The following SLC25A12 variants were observed in gnomAD, a reference collection of about 807,000 sequenced individuals.
SLC25A12 encodes electrogenic aspartate/glutamate antiporter SLC25A12, mitochondrial.
A neutral mutation model predicts 83.3 loss-of-function variants in SLC25A12; 32 were observed. The ratio of observed to expected loss-of-function variants is 0.38; its 90% confidence interval spans 0.29 to 0.52. The LOEUF (loss-of-function observed/expected upper bound fraction) is 0.52, where lower values mean the gene tolerates loss of function less well. Ranked by LOEUF, SLC25A12 falls within the 20% of genes least tolerant of loss-of-function variation. SLC25A12 has a pLI of 0.84. For synonymous variants in SLC25A12, 267 were observed against 291.1 expected, an observed-to-expected ratio of 0.92 and a Z score of 0.84; for missense variants, 611 against 835.6, an observed-to-expected ratio of 0.73 and a Z score of 3.31.
intron 14 of SLC25A12, among the ~76,000 whole-genome samples, chr2:171,793,193 T>G (rs993878879): frequency 1.3e-4 from 20 of 151,972 alleles, no homozygotes; most frequent in African/African-American, 4.8e-4. Context: ...ACCTGAATCC[T>G]ACCAAACTCT....
chr2:171,847,173 T>C (rs1230835439), intron 4 of SLC25A12, among the ~76,000 whole-genome samples: 1 of 152,206 alleles, frequency 6.6e-6, no homozygotes, highest in East Asian at 1.9e-4. Context: ...ACTACTATAA[T>C]TACTAGAACT....
intron 5 of SLC25A12, among the ~76,000 whole-genome samples, chr2:171,839,612 G>GAACAA (rs953485415): frequency 4.0e-5 from 6 of 151,890 alleles, no homozygotes; most frequent in African/African-American, 9.7e-5. Flanking sequence ...AACAATAAAA[G>GAACAA]AACAAAACAA....
chr2:171,874,653 T>C (rs1685527032), intron 2 of SLC25A12, among the ~76,000 whole-genome samples: 1 of 152,084 alleles, frequency 6.6e-6, no homozygotes, highest in Non-Finnish European at 1.5e-5. Context: ...AAACACACAA[T>C]ACAAGCGTTC....
At position 171,837,650 on chromosome 2, in the gene SLC25A12, G is replaced by A. The variant is rs184301352; in HGVS notation, c.466-383C>T. 9.6e-4 allele frequency among the ~76,000 whole-genome samples: 146 copies of A among 152,256 alleles called. 2 individuals carry two copies. The highest frequency in any genetic ancestry group is 1.4e-3 in the Admixed American group (21 of 15,294). ...GCTTGAAGGCTTACCTGTCATCAAA[G>A]AGTACTTCATGAATTAAGAGTTTAG... On this transcript the variant is annotated intron_variant, in intron 5 of 17. Coordinates refer to ENST00000422440, the MANE Select transcript of SLC25A12 (RefSeq NM_003705.5).
At chr2:171,819,002 G>A (rs1336528120) in intron 9 of SLC25A12, among the ~76,000 whole-genome samples, 2 of 150,432 alleles carry the variant, frequency 1.3e-5, no homozygotes, top group African/African-American at 4.9e-5. Context: ...GACTTCAATA[G>A]TCTGGGATTT....
chr2:171,859,514 G>A (rs948053274), intron 3 of SLC25A12, among the ~76,000 whole-genome samples: 3 of 152,094 alleles, frequency 2.0e-5, no homozygotes, highest in Admixed American at 6.6e-5. Flanking sequence ...CCTTAAAAAG[G>A]AATGAAATTC....
In SLC25A12 at chr2:171,812,741, A is replaced by G. The variant is rs187760938; in HGVS notation, c.1171+598T>C. Among the ~76,000 whole-genome samples the G allele has an allele frequency of 2.5e-3, 371 of 150,438 alleles. 6 individuals are homozygous for G. The highest frequency in any genetic ancestry group is 6.9e-3 in the Middle Eastern group (2 of 288). ...GAAAATCTCTCTGTTTTGACTGTACACCTCTGAGCTAAGTGGGGGAAAGAA... is the reference window on the plus strand; with the variant it reads ...GAAAATCTCTCTGTTTTGACTGTACGCCTCTGAGCTAAGTGGGGGAAAGAA... On this transcript the variant is annotated intron_variant, in intron 11 of 17. Coordinates refer to ENST00000422440, the MANE Select transcript of SLC25A12 (RefSeq NM_003705.5).
chr2:171,805,330 C>T (rs1683803250), intron 13 of SLC25A12, among the ~76,000 whole-genome samples: 1 of 152,054 alleles, frequency 6.6e-6, no homozygotes, highest in African/African-American at 2.4e-5. Flanking sequence ...AGGCTGGTCT[C>T]GAACTCCTGA....
chr2:171,861,289 T>C (rs1419812987), intron 3 of SLC25A12, among the ~76,000 whole-genome samples: 4 of 152,116 alleles, frequency 2.6e-5, no homozygotes, highest in African/African-American at 4.8e-5. Context: ...TCTGATACTC[T>C]CCTCTATTTT....
At chr2:171,836,527 G>A (rs534133140) in intron 6 of SLC25A12, among the ~76,000 whole-genome samples, 1 of 152,272 alleles carries the variant, frequency 6.6e-6, no homozygotes, top group South Asian at 2.1e-4. Flanking sequence ...CAGGTGAAGG[G>A]GCAGAGAGAG....
At chr2:171,855,673 T>C (rs987157721) in intron 4 of SLC25A12, 161 bp downstream of exon 4, 3 of 651,556 alleles carry the variant, frequency 4.6e-6, no homozygotes, top group Non-Finnish European at 8.3e-6. Flanking sequence ...TTTAATGCTT[T>C]GAAAAAATAA....
Position 171,792,633 on chromosome 2 carries a change from GA to G in SLC25A12, c.1446+993del, listed in dbSNP as rs1238563565. Among the ~76,000 whole-genome samples, 709 of 136,964 alleles carry G rather than the reference GA, an allele frequency of 5.2e-3. 5 individuals carry two copies. The highest frequency in any genetic ancestry group is 8.4e-3 in the Non-Finnish European group (529 of 62,746). 89.9% of individuals were successfully genotyped at this position (136,964 alleles called of 152,430 possible). Reference sequence around the variant, plus strand: ...TTAAAAAAAGACAAACTCAAACATTGAAAAAAAAAAAATCCAAGGACTCGCT... The same window carrying G: ...TTAAAAAAAGACAAACTCAAACATTGAAAAAAAAAAATCCAAGGACTCGCT... On this transcript the variant is annotated intron_variant, in intron 14 of 17. Transcript: ENST00000422440.
At chr2:171,815,948 T>A (rs1305636298) in intron 9 of SLC25A12, among the ~76,000 whole-genome samples, 1 of 151,528 alleles carries the variant, frequency 6.6e-6, no homozygotes, top group Non-Finnish European at 1.5e-5. Flanking sequence ...ATATACATTA[T>A]AAAATTACAC....
intron 9 of SLC25A12, among the ~76,000 whole-genome samples, chr2:171,815,494 C>G (rs763594657): frequency 6.6e-6 from 1 of 152,182 alleles, no homozygotes; most frequent in Admixed American, 6.5e-5. Context: ...CCTCATTTAT[C>G]TGCTACTGTT....
intron 8 of SLC25A12, among the ~76,000 whole-genome samples, chr2:171,829,815 C>T (rs763617577): frequency 6.6e-6 from 1 of 152,260 alleles, no homozygotes; most frequent in South Asian, 2.1e-4. Flanking sequence ...GGCCACTTGC[C>T]GAGAAGCAGA....
intron 3 of SLC25A12, among the ~76,000 whole-genome samples, chr2:171,867,023 A>G (rs1000796258): frequency 2.1e-5 from 3 of 141,270 alleles, no homozygotes; most frequent in African/African-American, 8.2e-5. Context: ...GGCGCTCCTC[A>G]CATCCCAGAC....
At position 171,861,328 on chromosome 2, in the gene SLC25A12, AT is replaced by A. The variant is rs528188553; in HGVS notation, c.210-5380del. Reference sequence around the variant, plus strand: ...CCCACAGTCATTATATACTTACTGCATTATAATGCAACAATATTTTTCTGAA... The same window carrying A: ...CCCACAGTCATTATATACTTACTGCATATAATGCAACAATATTTTTCTGAA... On this transcript the variant is annotated intron_variant, in intron 3 of 17. Coordinates refer to ENST00000422440, the MANE Select transcript of SLC25A12 (RefSeq NM_003705.5). 3.2e-3 allele frequency among the ~76,000 whole-genome samples: 490 copies of A among 152,258 alleles called. 1 individual carries two copies. Among genetic ancestry groups the A allele is most frequent in the Non-Finnish European group, 5.8e-3 (397 of 68,014 alleles).
At chr2:171,847,967 G>C (rs1353506054) in intron 4 of SLC25A12, among the ~76,000 whole-genome samples, 1 of 152,186 alleles carries the variant, frequency 6.6e-6, no homozygotes, top group Non-Finnish European at 1.5e-5. Flanking sequence ...ACATTAGTCA[G>C]TTTAGCTGTA....
chr2:171,837,048 G>A (rs1684575740), intron 6 of SLC25A12, 73 bp downstream of exon 6: 1 of 1,473,020 alleles, frequency 6.8e-7, no homozygotes, highest in Non-Finnish European at 9.4e-7. Context: ...ATGAGTCCCT[G>A]GAGGCAATCC....
Sources: gnomAD v4.1 joint callset for allele counts (sites outside exome capture counted in the v4.1 genomes callset) on GRCh38, gnomAD v4.1.1 for gene constraint, MANE v1.5 for transcripts, NCBI Gene and HGNC (gene_info 2026-07-23, HGNC 2026-07-21) for gene names.